LRMDA: variants seen among roughly 807,000 people sequenced by gnomAD.
The protein encoded by LRMDA is leucine-rich melanocyte differentiation-associated protein.
A neutral mutation model predicts 29.8 loss-of-function variants in LRMDA; 18 were observed. The ratio of observed to expected loss-of-function variants is 0.60; its 90% CI spans 0.42 to 0.90. The LOEUF (loss-of-function observed/expected upper bound fraction) is 0.90. Among genes scored for constraint, LRMDA ranks in the 40% least tolerant of loss-of-function variants. LRMDA has a pLI of 0.00. For missense variants in LRMDA, 273 were observed against 273.9 expected (o/e 1.00, Z 0.02); for synonymous variants, 125 against 109.4 (o/e 1.14, Z -0.89).
At chr10:76,212,187 T>C (rs185284837) in intron 5 of LRMDA, among the ~76,000 whole-genome samples, 22 of 151,076 alleles carry the variant, frequency 1.5e-4, no homozygotes, top group Admixed American at 8.0e-4. Context: ...TAACATAGGA[T>C]ACAGATTTTG....
At chr10:75,568,116 G>A (rs1840395496) in intron 2 of LRMDA, among the ~76,000 whole-genome samples, 1 of 152,178 alleles carries the variant, frequency 6.6e-6, no homozygotes, top group African/African-American at 2.4e-5. Flanking sequence ...ACTTGGCCAG[G>A]GTATGGCTGA....
intron 2 of LRMDA, among the ~76,000 whole-genome samples, chr10:75,485,364 A>G (rs1223788523): frequency 6.6e-6 from 1 of 152,034 alleles, no homozygotes. Flanking sequence ...GTTGATTATT[A>G]TTTTAATGAT....
chr10:76,209,790 G>T (rs1851603549), intron 5 of LRMDA, among the ~76,000 whole-genome samples: 1 of 152,156 alleles, frequency 6.6e-6, no homozygotes, highest in African/African-American at 2.4e-5. Context: ...TGTGTACTCT[G>T]AGAGAGTGTC....
intron 6 of LRMDA, among the ~76,000 whole-genome samples, chr10:76,486,435 C>T (rs551458366): frequency 2.0e-4 from 31 of 151,990 alleles, no homozygotes; most frequent in African/African-American, 7.2e-4. Flanking sequence ...TGTTTTTTGG[C>T]TCTGTGCTGC....
At chr10:75,890,274 C>T (rs924475006) in intron 2 of LRMDA, among the ~76,000 whole-genome samples, 2 of 152,154 alleles carry the variant, frequency 1.3e-5, no homozygotes, top group Admixed American at 6.5e-5. Context: ...AGATTTAAGC[C>T]TGAAATGGAA....
chr10:76,527,311 A>T (rs915578167), intron 6 of LRMDA, among the ~76,000 whole-genome samples: 1 of 152,174 alleles, frequency 6.6e-6, no homozygotes, highest in Non-Finnish European at 1.5e-5. Context: ...ATTTTTGTGT[A>T]TTCTGTACAG....
intron 2 of LRMDA, among the ~76,000 whole-genome samples, chr10:75,645,719 T>C (rs184770141): frequency 1.8e-4 from 27 of 152,218 alleles, no homozygotes; most frequent in African/African-American, 6.5e-4. Flanking sequence ...TAAGAAAGGC[T>C]TGGACTGAAG....
rs193052048 is a variant in LRMDA, at chr10:75,639,258, T to C, written c.131+200764T>C. The stretch of plus-strand genomic sequence containing the variant: ...CACCCAAACAAGGCATTTTTTTGGT[T>C]GGGTCAGACTTTCCATTTGTGCTGT... On this transcript the variant is annotated intron_variant, in intron 2 of 6. Coordinates refer to ENST00000611255, the MANE Select transcript of LRMDA (RefSeq NM_001305581.2). Among the ~76,000 whole-genome samples, 72 of 152,300 alleles carry C rather than the reference T, an allele frequency of 4.7e-4. No homozygotes were observed. In the East Asian group the frequency reaches 0.012, roughly 26 times the overall value.
chr10:76,200,353 T>G (rs1178899704), intron 5 of LRMDA, among the ~76,000 whole-genome samples: 1 of 152,210 alleles, frequency 6.6e-6, no homozygotes, highest in Non-Finnish European at 1.5e-5. Flanking sequence ...GAGTGATTAT[T>G]CTAATTACTA....
chr10:76,537,663 T>C (rs778435208), intron 6 of LRMDA, among the ~76,000 whole-genome samples: 9 of 152,248 alleles, frequency 5.9e-5, no homozygotes, highest in Non-Finnish European at 1.3e-4. Context: ...CTTAAAAGCT[T>C]CTTTTTTTTA....
chr10:75,507,755 G>T lies in LRMDA; in HGVS notation c.131+69261G>T, dbSNP rs540443634. On this transcript the variant is annotated intron_variant, in intron 2 of 6. Coordinates refer to ENST00000611255, the MANE Select transcript of LRMDA (RefSeq NM_001305581.2). ...AACACAGAATAGTTCTAGGGACTGT[G>T]AAAAAGCCAAACCCTTGGCAGAGAT... Among the ~76,000 whole-genome samples, 11 of 152,300 alleles carry T rather than the reference G, an allele frequency of 7.2e-5. No individual in the cohort carries two copies. In the East Asian group the frequency reaches 2.1e-3, roughly 29 times the overall value.
At chr10:75,472,130 C>T (rs750597100) in intron 2 of LRMDA, among the ~76,000 whole-genome samples, 1 of 152,278 alleles carries the variant, frequency 6.6e-6, no homozygotes, top group Middle Eastern at 3.4e-3. Flanking sequence ...GTCTTCTCTA[C>T]CCACTTCTGT....
At chr10:76,321,189 C>T (rs1386961528) in intron 5 of LRMDA, among the ~76,000 whole-genome samples, 2 of 152,032 alleles carry the variant, frequency 1.3e-5, no homozygotes, top group South Asian at 2.1e-4. Context: ...TGAGATTTTC[C>T]GTAGAGTATA....
Position 75,605,983 on chromosome 10 carries a change from A to G in LRMDA, c.131+167489A>G, listed in dbSNP as rs190858590. ...GATGCTCTTCCTACCTTGGGCTCCC[A>G]AGTAGCTGTAACTACAGGTGTGCAC... On this transcript the variant is annotated intron_variant, in intron 2 of 6. Transcript: ENST00000611255. 4.6e-5 allele frequency among the ~76,000 whole-genome samples: 7 copies of G among 152,274 alleles called. No homozygotes were observed. The East Asian group carries it at 1.4e-3, about 29-fold the overall frequency.
chr10:75,528,239 A>T (rs1477194402), intron 2 of LRMDA, among the ~76,000 whole-genome samples: 1 of 152,186 alleles, frequency 6.6e-6, no homozygotes, highest in Non-Finnish European at 1.5e-5. Flanking sequence ...AATATCTCTG[A>T]AAGTTGTAAG....
chr10:75,696,980 C>T (rs1308486907), intron 2 of LRMDA, among the ~76,000 whole-genome samples: 1 of 152,134 alleles, frequency 6.6e-6, no homozygotes, highest in East Asian at 1.9e-4. Flanking sequence ...CTCTCCTTGG[C>T]CATCATAATA....
intron 2 of LRMDA, among the ~76,000 whole-genome samples, chr10:75,621,661 C>G (rs955156113): frequency 6.6e-6 from 1 of 152,144 alleles, no homozygotes; most frequent in South Asian, 2.1e-4. Context: ...GGCCTATGAA[C>G]CACTGGTGTT....
chr10:76,162,567 T>G (rs1019743952), intron 5 of LRMDA, among the ~76,000 whole-genome samples: 2 of 152,160 alleles, frequency 1.3e-5, no homozygotes, highest in Non-Finnish European at 2.9e-5. Flanking sequence ...GGGGAGCAGG[T>G]GGATAGTGGG....
At chr10:75,524,647 C>G (rs1022330457) in intron 2 of LRMDA, among the ~76,000 whole-genome samples, 7 of 152,254 alleles carry the variant, frequency 4.6e-5, no homozygotes, top group East Asian at 3.9e-4. Flanking sequence ...TTCTTCACAA[C>G]TTGGCCTATG....
Sources: allele counts gnomAD v4.1 joint callset (sites outside exome capture counted in the v4.1 genomes callset), GRCh38; gene constraint gnomAD v4.1.1; transcripts MANE v1.5; gene names NCBI Gene and HGNC (gene_info 2026-07-23, HGNC 2026-07-21).